The following RMDN2 variants were observed in gnomAD, a reference collection of about 807,000 sequenced individuals.
RMDN2 encodes regulator of microtubule dynamics 2, also known as regulator of microtubule dynamics protein 2.
A neutral mutation model predicts 52.8 loss-of-function variants in RMDN2; 61 were observed. The ratio of observed to expected loss-of-function variants is 1.16; its 90% CI spans 0.94 to 1.43. The LOEUF (loss-of-function observed/expected upper bound fraction) is 1.43. Among genes scored for constraint, RMDN2 ranks in the 40% most tolerant of loss-of-function variants. The pLI is 0.00. For missense variants in RMDN2, 592 were observed against 475.3 expected (o/e 1.25, Z -2.28); for synonymous variants, 180 against 153.1 (o/e 1.18, Z -1.30).
At chr2:37,991,701 G>C (rs1416531764) in intron 7 of RMDN2, among the ~76,000 whole-genome samples, 1 of 152,036 alleles carries the variant, frequency 6.6e-6, no homozygotes, top group Non-Finnish European at 1.5e-5. Context: ...CACTATTCAC[G>C]GTTCTGTGAG....
rs532892407 is a variant in RMDN2 at position 37,929,437 on chromosome 2, T to A, written c.160T>A (p.Leu54Met). The A allele has an allele frequency of 1.9e-6, 3 of 1,551,660 alleles. No homozygotes were observed. The highest frequency in any genetic ancestry group is 2.6e-6 in the Non-Finnish European group (3 of 1,146,976). Residue 54 changes from leucine (L) to methionine (M), a missense_variant, in exon 2 of 11, where the codon TTG becomes ATG. Physicochemically the swap from Leu to Met is conservative, Grantham distance 15. Transcript: ENST00000354545. ...GGGTAATACATTTAATTCAATAACT[T>A]TGCAAGATGAAATACATGATGACCA... is the stretch of plus-strand genomic sequence containing the variant. ...SLGNTFNSIT[L>M]QDEIHDDQGT...
rs775888433 is a variant in RMDN2, at chr2:37,974,108, T to C, written c.521T>C (p.Val174Ala). ...GTCCCTAAGGCATTTAACACACGTG[T>C]AGAGGAATTAAATTTAGATGTCCTT... is the stretch of plus-strand genomic sequence containing the variant. ...FPVPKAFNTR[V>A]EELNLDVLLQ... Residue 174 changes from valine to alanine, a missense_variant, in exon 3 of 11, where the codon GTA becomes GCA. Coordinates refer to ENST00000354545, the MANE Select transcript of RMDN2 (RefSeq NM_001170791.3). 2.5e-6 allele frequency: 4 copies of C among 1,612,402 alleles called. No individual in the cohort carries two copies. Among genetic ancestry groups the C allele is most frequent in the Non-Finnish European group, 3.4e-6 (4 of 1,178,646 alleles).
chr2:38,040,352 A>T (rs1306068738), intron 10 of RMDN2, among the ~76,000 whole-genome samples: 1 of 152,094 alleles, frequency 6.6e-6, no homozygotes, highest in African/African-American at 2.4e-5. Flanking sequence ...GCCCGATATG[A>T]TGGTATTAAG....
intron 2 of RMDN2, among the ~76,000 whole-genome samples, chr2:37,939,653 C>T (rs4670792): frequency 0.81 from 122,861 of 152,098 alleles, 49,798 homozygotes; most frequent in Admixed American, 0.91. Flanking sequence ...TAATGCCCTT[C>T]GTCTTTTTTG....
intron 2 of RMDN2, among the ~76,000 whole-genome samples, chr2:37,932,890 C>T (rs1412305257): frequency 0.013 from 1,950 of 147,522 alleles, 140 homozygotes; most frequent in Admixed American, 0.12. Flanking sequence ...CCCTCCCGGA[C>T]GGGGCGGCTG....
intron 2 of RMDN2, among the ~76,000 whole-genome samples, chr2:37,939,994 T>C (rs1053098671): frequency 1.3e-5 from 2 of 152,216 alleles, no homozygotes; most frequent in African/African-American, 4.8e-5. Flanking sequence ...CTTTACATTT[T>C]AGTGTGTTTT....
intron 2 of RMDN2, among the ~76,000 whole-genome samples, chr2:37,932,736 G>T (rs1666893725): frequency 2.0e-5 from 3 of 147,046 alleles, no homozygotes; most frequent in Admixed American, 6.6e-5. Context: ...CCGGGCAGAG[G>T]GGCTCCTCAC....
At chr2:38,023,355 AAGGT>A (rs1328792368) in intron 10 of RMDN2, among the ~76,000 whole-genome samples, 1 of 152,232 alleles carries the variant, frequency 6.6e-6, no homozygotes, top group Admixed American at 6.5e-5. Context: ...AGAATTTTAA[AAGGT>A]AGAGAGCAGT....
chr2:38,040,040 A>C (rs1680855608), intron 10 of RMDN2, among the ~76,000 whole-genome samples: 1 of 130,060 alleles, frequency 7.7e-6, no homozygotes, highest in Admixed American at 8.5e-5. Context: ...GCCTGTGTCT[A>C]GATTCATTAT....
At chr2:38,064,085 AC>A (rs1399791808) in intron 10 of RMDN2, among the ~76,000 whole-genome samples, 6 of 152,214 alleles carry the variant, frequency 3.9e-5, no homozygotes, top group Non-Finnish European at 8.8e-5. Context: ...TATATTGCAT[AC>A]TGTGAGGCTA....
chr2:38,065,102 T>G (rs1261626719), intron 10 of RMDN2, among the ~76,000 whole-genome samples: 2 of 152,186 alleles, frequency 1.3e-5, no homozygotes, highest in Non-Finnish European at 2.9e-5. Flanking sequence ...AGGTATCTAT[T>G]CCCAAGAGAG....
At chr2:37,977,427 C>T (rs867805695) in intron 4 of RMDN2, among the ~76,000 whole-genome samples, 8 of 150,518 alleles carry the variant, frequency 5.3e-5, no homozygotes, top group East Asian at 4.0e-4. Flanking sequence ...CGGGCAGAGG[C>T]GCCCCCACCT....
chr2:38,040,861 G>C (rs1219499028), intron 10 of RMDN2, among the ~76,000 whole-genome samples: 1 of 152,098 alleles, frequency 6.6e-6, no homozygotes, highest in East Asian at 1.9e-4. Context: ...ACATGGGATA[G>C]CTCTTCATTT....
At chr2:37,958,452 T>G (rs368628749) in intron 2 of RMDN2, among the ~76,000 whole-genome samples, 6 of 150,532 alleles carry the variant, frequency 4.0e-5, no homozygotes, top group African/African-American at 1.5e-4. Flanking sequence ...TATTATTGGT[T>G]TATAGTAATG....
At chr2:38,006,405 G>C (rs556395337) in intron 10 of RMDN2, among the ~76,000 whole-genome samples, 8 of 152,084 alleles carry the variant, frequency 5.3e-5, no homozygotes, top group Non-Finnish European at 1.2e-4. Context: ...AGTTCTCCTC[G>C]AAGAGGTCCT....
At chr2:37,984,417 G>T (rs900770490) in intron 5 of RMDN2, among the ~76,000 whole-genome samples, 4 of 152,170 alleles carry the variant, frequency 2.6e-5, no homozygotes, top group African/African-American at 9.7e-5. Flanking sequence ...GTGATTTACA[G>T]AGCAGCTTGT....
chr2:37,971,581 CAT>C (rs1382559036), intron 2 of RMDN2, among the ~76,000 whole-genome samples: 3 of 151,874 alleles, frequency 2.0e-5, no homozygotes, highest in African/African-American at 7.3e-5. Context: ...CATCTTTTTC[CAT>C]AGAGATAACA....
At chr2:37,959,050 T>A (rs1160930365) in intron 2 of RMDN2, among the ~76,000 whole-genome samples, 1 of 151,118 alleles carries the variant, frequency 6.6e-6, no homozygotes, top group Non-Finnish European at 1.5e-5. Flanking sequence ...TGGATTTGGT[T>A]TGCCAGTATT....
chr2:37,970,841 T>G (rs540542076), intron 2 of RMDN2, among the ~76,000 whole-genome samples: 1 of 152,302 alleles, frequency 6.6e-6, no homozygotes, highest in South Asian at 2.1e-4. Flanking sequence ...AGCTCCATCT[T>G]TTAAATTACA....
Sources: gnomAD v4.1 joint callset for allele counts (sites outside exome capture counted in the v4.1 genomes callset) on GRCh38, gnomAD v4.1.1 for gene constraint, MANE v1.5 for transcripts, NCBI Gene and HGNC (gene_info 2026-07-23, HGNC 2026-07-21) for gene names.